ACP3: variants seen among roughly 807,000 people sequenced by gnomAD.
The protein encoded by ACP3 is acid phosphatase 3.
In ACP3, 38 loss-of-function variants were observed where a neutral mutation model predicts 45.6. The ratio of observed to expected loss-of-function variants is 0.83; its 90% CI spans 0.64 to 1.09. The LOEUF (loss-of-function observed/expected upper bound fraction) is 1.09, where lower values mean the gene tolerates loss of function less well. Ranked by LOEUF, ACP3 falls within the 50% of genes least tolerant of loss-of-function variation. The probability of loss-of-function intolerance (pLI) is 0.00; values close to 1 mark genes in which losing one functional copy is unlikely to be tolerated. For missense variants in ACP3, 466 were observed against 463.2 expected (o/e 1.01, Z -0.05); for synonymous variants, 162 against 164.7 (o/e 0.98, Z 0.13).
intron 1 of ACP3, 124 bp downstream of exon 1, chr3:132,317,700 C>A: frequency 9.0e-7 from 1 of 1,105,588 alleles, no homozygotes; most frequent in Non-Finnish European, 1.2e-6. Flanking sequence ...TGTTCAAACT[C>A]AGAAAGTGAA....
intron 9 of ACP3, among the ~76,000 whole-genome samples, chr3:132,355,486 CTTATTTTATT>C (rs71622089): frequency 1.3e-5 from 2 of 150,270 alleles, no homozygotes; most frequent in South Asian, 2.1e-4. Context: ...TTTATTTTAT[CTTATTTTATT>C]TTATTTTATT....
chr3:132,349,913 C>A lies in ACP3; in HGVS notation c.782-7C>A. On this transcript the variant is annotated splice_polypyrimidine_tract_variant and splice_region_variant and intron_variant, in intron 7 of 9. Coordinates refer to ENST00000336375, the MANE Select transcript of ACP3 (RefSeq NM_001099.5). ...TTCAGTTTGGTTATTGATTCATCTT[C>A]TTTAAGGTGTCCTGGTCAATGAAAT... 1 of 1,605,478 alleles carries A rather than the reference C, an allele frequency of 6.2e-7. No homozygotes were observed. The highest frequency in any genetic ancestry group is 2.2e-5 in the East Asian group (1 of 44,834).
chr3:132,333,337 G>T (rs1382099008), intron 4 of ACP3: 1 of 152,636 alleles, frequency 6.6e-6, no homozygotes, highest in East Asian at 1.9e-4. Flanking sequence ...TAATCTTCCA[G>T]GTGTGAAACT....
At position 132,342,575 on chromosome 3, in the gene ACP3, A is replaced by C. The variant is rs1297395027; in HGVS notation, c.579A>C (p.Lys193Asn). 1 of 1,612,640 alleles carries C rather than the reference A, an allele frequency of 6.2e-7. No homozygotes were observed. The highest frequency in any genetic ancestry group is 8.5e-7 in the Non-Finnish European group (1 of 1,179,534). ...AGGATTTTATAGCTACCTTGGGAAA[A>C]CTTTCAGGATTACATGGCCAGGACC... ...PYKDFIATLG[K>N]LSGLHGQDLF... Residue 193 changes from lysine (K) to asparagine (N), a missense_variant, in exon 6 of 10, where the codon AAA (lysine) becomes AAC (asparagine). Transcript: ENST00000336375.
intron 4 of ACP3, among the ~76,000 whole-genome samples, chr3:132,332,835 T>C (rs1399138757): frequency 6.6e-6 from 1 of 152,234 alleles, no homozygotes; most frequent in Non-Finnish European, 1.5e-5. Flanking sequence ...ATCATTGTGT[T>C]ACCTTTCATA....
chr3:132,361,163 T>C (rs1208504933), downstream of ACP3, among the ~76,000 whole-genome samples: 2 of 152,188 alleles, frequency 1.3e-5, no homozygotes, highest in African/African-American at 2.4e-5. Flanking sequence ...CCATTGCTAT[T>C]AAAAGCCCTT....
At chr3:132,354,269 C>T (rs17242294) in intron 9 of ACP3, among the ~76,000 whole-genome samples, 18,897 of 151,960 alleles carry the variant, frequency 0.12, 1,402 homozygotes, top group Non-Finnish European at 0.18. Context: ...TCTACTCGTA[C>T]CTCCCTGTTC....
chr3:132,317,557 A>T lies in ACP3; in HGVS notation c.101A>T (p.Glu34Val). ...CTAGACCGAAGTGTACTAGCCAAGG[A>T]GTTGAAGTTTGTGACTTTGGTAAGT... is the stretch of plus-strand genomic sequence containing the variant. ...FWLDRSVLAK[E>V]LKFVTLVFRH... The change falls in exon 1 of 10, where the codon GAG becomes GTG. Residue 34 changes from glutamate (E) to valine (V), a missense_variant. Coordinates refer to ENST00000336375, the MANE Select transcript of ACP3 (RefSeq NM_001099.5). 1 of 1,611,990 alleles carries T rather than the reference A, an allele frequency of 6.2e-7. No individual in the cohort carries two copies.
At chr3:132,366,926 C>T (rs1938141188) in intron 10 of ACP3, among the ~76,000 whole-genome samples, 1 of 152,138 alleles carries the variant, frequency 6.6e-6, no homozygotes, top group African/African-American at 2.4e-5. Context: ...TTCTATGCTG[C>T]ACTAGGGTTC....
intron 1 of ACP3, among the ~76,000 whole-genome samples, chr3:132,325,147 G>A (rs1937275268): frequency 6.6e-6 from 1 of 152,182 alleles, no homozygotes; most frequent in African/African-American, 2.4e-5. Context: ...CATAGTCCAA[G>A]AACTCCAGCT....
intron 6 of ACP3, 45 bp downstream of exon 6, chr3:132,342,689 T>C: frequency 8.6e-7 from 1 of 1,158,728 alleles, no homozygotes. Flanking sequence ...TCTGATTTTA[T>C]GATTTATGCT....
chr3:132,340,310 C>T (rs1474112441), intron 5 of ACP3, among the ~76,000 whole-genome samples: 24 of 139,458 alleles, frequency 1.7e-4, no homozygotes, highest in African/African-American at 5.0e-4. Flanking sequence ...AACGAAATTC[C>T]GTCTCAAAAA....
In ACP3 at chr3:132,332,055, A is replaced by C. The variant is rs138905338; in HGVS notation, c.304-137A>C. The C allele has an allele frequency of 2.6e-5, 27 of 1,031,892 alleles. No homozygotes were observed. In the African/African-American group the frequency reaches 3.8e-4, roughly 15 times the overall value. 63.9% of individuals were successfully genotyped at this position (1,031,892 alleles called of 1,614,324 possible). A position where few individuals can be genotyped will look rare whatever the true frequency, so the allele number is the denominator to read the frequency against. On this transcript the variant is annotated intron_variant, in intron 3 of 9. Transcript: ENST00000336375. ...TATTGCTCATTCCTTAACAAGTATT[A>C]TGATTCTGATGTTAGCACAATGTCT... is the stretch of plus-strand genomic sequence containing the variant.
At chr3:132,326,357 C>T (rs1937298400) in intron 1 of ACP3, among the ~76,000 whole-genome samples, 2 of 152,170 alleles carry the variant, frequency 1.3e-5, no homozygotes, top group Non-Finnish European at 1.5e-5. Flanking sequence ...TATAAAAACT[C>T]TAAAATGTAC....
chr3:132,341,929 G>A (rs1057215276), intron 5 of ACP3, among the ~76,000 whole-genome samples: 9 of 152,186 alleles, frequency 5.9e-5, no homozygotes, highest in African/African-American at 2.2e-4. Context: ...TGAACATTGG[G>A]TCTCATTATT....
intron 4 of ACP3, among the ~76,000 whole-genome samples, chr3:132,334,861 C>T (rs1357191796): frequency 6.6e-6 from 1 of 152,212 alleles, no homozygotes; most frequent in Non-Finnish European, 1.5e-5. Context: ...ACTACCACTT[C>T]AGATATATGA....
rs1352077976 is a variant in ACP3, at chr3:132,332,577, C to G, written c.456+233C>G. 8.4e-6 allele frequency: 4 copies of G among 477,536 alleles called. No homozygotes were observed. The Admixed American group carries it at 1.4e-4, about 17-fold the overall frequency. 29.6% of individuals were successfully genotyped at this position (477,536 alleles called of 1,614,324 possible). On this transcript the variant is annotated intron_variant, in intron 4 of 9. Coordinates refer to ENST00000336375, the MANE Select transcript of ACP3 (RefSeq NM_001099.5). ...GATCCACTTTGTTTTGCCACTCTTG[C>G]AACTCTTGGCAATTTGCCCCCTCAT... is the stretch of plus-strand genomic sequence containing the variant.
At chr3:132,352,351 C>T (rs1484390191) in intron 8 of ACP3, among the ~76,000 whole-genome samples, 1 of 146,388 alleles carries the variant, frequency 6.8e-6, no homozygotes, top group Non-Finnish European at 1.5e-5. Flanking sequence ...GCCCATGCCA[C>T]CACACCCAGC....
At position 132,357,401 on chromosome 3, in the gene ACP3, G is replaced by C; in HGVS notation, c.*523G>C. 1.1e-5 allele frequency: 11 copies of C among 985,376 alleles called. No individual in the cohort carries two copies. The highest frequency in any genetic ancestry group is 1.3e-5 in the Non-Finnish European group (11 of 829,928). 61.0% of individuals were successfully genotyped at this position (985,376 alleles called of 1,614,324 possible). A position where few individuals can be genotyped will look rare whatever the true frequency, so the allele number is the denominator to read the frequency against. The stretch of plus-strand genomic sequence containing the variant: ...TTCTCTCAAGGAGAGGCAAAGAAAG[G>C]AGATACAGTGGAGACATCTGGAAAG... On this transcript the variant is annotated 3_prime_UTR_variant, in exon 10 of 10. Coordinates refer to ENST00000336375, the MANE Select transcript of ACP3 (RefSeq NM_001099.5).
Sources: allele counts gnomAD v4.1 joint callset (sites outside exome capture counted in the v4.1 genomes callset), GRCh38; gene constraint gnomAD v4.1.1; transcripts MANE v1.5; gene names NCBI Gene and HGNC (gene_info 2026-07-23, HGNC 2026-07-21).